Variants in NHSL1 observed in about 807,000 individuals in gnomAD.
The protein encoded by NHSL1 is NHS like 1.
A neutral mutation model predicts 95.0 loss-of-function variants in NHSL1; 48 were observed. The observed-to-expected ratio is 0.51, with a 90% CI of 0.40 to 0.64. The LOEUF (loss-of-function observed/expected upper bound fraction) is 0.64. NHSL1 is among the 30% of genes least tolerant of loss of function. The probability of loss-of-function intolerance (pLI) is 0.00; values close to 1 mark genes in which losing one functional copy is unlikely to be tolerated. For synonymous variants in NHSL1, 783 were observed against 833.9 expected (o/e 0.94, Z 1.05); for missense variants, 1,971 against 2,077.7 (o/e 0.95, Z 1.00).
At chr6:138,536,359 T>C (rs1782343401) in intron 1 of NHSL1, among the ~76,000 whole-genome samples, 3 of 152,064 alleles carry the variant, frequency 2.0e-5, no homozygotes, top group South Asian at 2.1e-4. Context: ...CCAACCAACA[T>C]TGACTTTCTG....
At chr6:138,667,210 T>C (rs1227210921) in intron 1 of NHSL1, among the ~76,000 whole-genome samples, 1 of 152,148 alleles carries the variant, frequency 6.6e-6, no homozygotes, top group East Asian at 1.9e-4. Context: ...AGAACTAGAA[T>C]TGCAACCCCA....
intron 1 of NHSL1, among the ~76,000 whole-genome samples, chr6:138,627,125 C>T (rs1784751094): frequency 6.6e-6 from 1 of 152,128 alleles, no homozygotes; most frequent in African/African-American, 2.4e-5. Flanking sequence ...CTATGCAACA[C>T]TGCTCTCTGC....
intron 1 of NHSL1, among the ~76,000 whole-genome samples, chr6:138,635,592 A>T (rs1055098355): frequency 3.3e-5 from 5 of 152,328 alleles, no homozygotes; most frequent in African/African-American, 1.2e-4. Flanking sequence ...TCTACCAAAC[A>T]TTTAAAGAAG....
chr6:138,589,750 A>T (rs1234606675), intron 1 of NHSL1, among the ~76,000 whole-genome samples: 1 of 151,868 alleles, frequency 6.6e-6, no homozygotes, highest in Non-Finnish European at 1.5e-5. Context: ...CCCTCTGCTG[A>T]CAACCTCTGA....
At chr6:138,673,031 G>C (rs117582610) in intron 1 of NHSL1, among the ~76,000 whole-genome samples, 3,716 of 148,388 alleles carry the variant, frequency 0.025, 473 homozygotes, top group East Asian at 0.084. Flanking sequence ...AGATAGATAG[G>C]TAGATAGATA....
intron 1 of NHSL1, among the ~76,000 whole-genome samples, chr6:138,504,932 A>C (rs1780881429): frequency 6.6e-6 from 1 of 152,226 alleles, no homozygotes; most frequent in South Asian, 2.1e-4. Flanking sequence ...TAAAGTATAA[A>C]GTTCAAAAAA....
At chr6:138,595,873 A>G (rs1264891936) in intron 1 of NHSL1, among the ~76,000 whole-genome samples, 1 of 152,216 alleles carries the variant, frequency 6.6e-6, no homozygotes, top group Admixed American at 6.5e-5. Flanking sequence ...CCTATGTGCC[A>G]CGATCTGTAT....
rs1427038789 is a variant in NHSL1 at position 138,433,308 on chromosome 6, G to A, written c.1037C>T (p.Pro346Leu). ...GAAAGTGCCATTCATGTCTCCTGCA[G>A]GGCCGAGGGCACCCAGCCTCGGCTC... ...SLEPRLGALG[P>L]AGDMNGTFLY... The change falls in exon 6 of 8, where the codon CCT becomes CTT. Residue 346 changes from proline to leucine, a missense_variant. Transcript: ENST00000343505. 6.4e-7 allele frequency: 1 copy of A among 1,551,620 alleles called. No individual in the cohort carries two copies. Among genetic ancestry groups the A allele is most frequent in the East Asian group, 2.4e-5 (1 of 40,910 alleles).
intron 4 of NHSL1, among the ~76,000 whole-genome samples, chr6:138,443,337 A>G (rs184322837): frequency 3.3e-5 from 5 of 152,306 alleles, no homozygotes; most frequent in African/African-American, 1.2e-4. Flanking sequence ...GCTAATGGAG[A>G]AAAACAGAAA....
chr6:138,517,592 T>C (rs950597293), intron 1 of NHSL1, among the ~76,000 whole-genome samples: 1 of 152,176 alleles, frequency 6.6e-6, no homozygotes, highest in Non-Finnish European at 1.5e-5. Context: ...TCTGAGCACT[T>C]AGAGGCAAAC....
At chr6:138,590,609 C>A (rs1168287191) in intron 1 of NHSL1, among the ~76,000 whole-genome samples, 1 of 152,194 alleles carries the variant, frequency 6.6e-6, no homozygotes, top group Non-Finnish European at 1.5e-5. Context: ...TCATCCCCAA[C>A]AACAGAGTCC....
chr6:138,583,063 G>A lies in NHSL1; in HGVS notation c.97-86692C>T, dbSNP rs531047957. ...CCAAGGTGGCTCTCCCCGTGTGCCT[G>A]AAAATGAGGAATTTCCTGGGACATG... On this transcript the variant is annotated intron_variant, in intron 1 of 3. Transcript: ENST00000491526. Among the ~76,000 whole-genome samples the A allele has an allele frequency of 2.0e-5, 3 of 152,310 alleles. No individual in the cohort carries two copies. In the East Asian group the frequency reaches 5.8e-4, roughly 29 times the overall value.
chr6:138,574,426 G>A (rs1320059770), upstream of NHSL1, among the ~76,000 whole-genome samples: 4 of 151,940 alleles, frequency 2.6e-5, no homozygotes, highest in Admixed American at 6.6e-5. Flanking sequence ...ACTGGTTCAC[G>A]AGACCCCCGC....
At chr6:138,685,050 GC>G (rs1230147130) in intron 1 of NHSL1, among the ~76,000 whole-genome samples, 1 of 151,924 alleles carries the variant, frequency 6.6e-6, no homozygotes, top group Non-Finnish European at 1.5e-5. Flanking sequence ...GGCAAATATT[GC>G]ATTAGTTTTG....
At chr6:138,673,171 T>A (rs1337383360) in intron 1 of NHSL1, among the ~76,000 whole-genome samples, 1 of 152,162 alleles carries the variant, frequency 6.6e-6, no homozygotes, top group Non-Finnish European at 1.5e-5. Flanking sequence ...AGTAACTTGA[T>A]TGGAATTTCA....
At chr6:138,444,577 AT>A (rs536970644) in intron 4 of NHSL1, among the ~76,000 whole-genome samples, 10,051 of 139,552 alleles carry the variant, frequency 0.072, 710 homozygotes, top group African/African-American at 0.19. Flanking sequence ...TGAAATCGCC[AT>A]TTTTTTTTTT....
intron 1 of NHSL1, among the ~76,000 whole-genome samples, chr6:138,594,502 C>G (rs9385835): frequency 6.6e-6 from 1 of 152,122 alleles, no homozygotes. Context: ...ATGCACTTGT[C>G]TATTTCAATG....
intron 2 of NHSL1, among the ~76,000 whole-genome samples, chr6:138,479,007 AT>A (rs1320331502): frequency 1.3e-5 from 2 of 152,308 alleles, no homozygotes; most frequent in South Asian, 2.1e-4. Flanking sequence ...ATCTCTATGC[AT>A]TAAGCTATTC....
chr6:138,556,430 A>G (rs1270332196), intron 1 of NHSL1, among the ~76,000 whole-genome samples: 1 of 151,560 alleles, frequency 6.6e-6, no homozygotes, highest in Non-Finnish European at 1.5e-5. Flanking sequence ...AAAAATAACT[A>G]TTTTTCTTTT....
Sources: allele counts gnomAD v4.1 joint callset (sites outside exome capture counted in the v4.1 genomes callset), GRCh38; gene constraint gnomAD v4.1.1; transcripts MANE v1.5; gene names NCBI Gene and HGNC (gene_info 2026-07-23, HGNC 2026-07-21).